Variants in ATP7A observed in about 807,000 individuals in gnomAD.
ATP7A encodes ATPase copper transporting alpha.
Under a neutral mutation model 83.5 loss-of-function variants are expected in ATP7A, and 7 were observed. That is an observed-to-expected ratio of 0.08 (90% CI 0.05 to 0.16). The LOEUF (loss-of-function observed/expected upper bound fraction) is 0.16, where lower values mean the gene tolerates loss of function less well. ATP7A is among the 10% of genes least tolerant of loss of function. The pLI is 1.00. For synonymous variants in ATP7A, 354 were observed against 395.2 expected (o/e 0.90, Z 1.24); for missense variants, 940 against 1,120.8 (o/e 0.84, Z 2.30).
intron 6 of ATP7A, among the ~76,000 whole-genome samples, chrX:78,007,620 C>T (rs894065138): frequency 1.8e-5 from 2 of 112,237 alleles, no homozygotes; most frequent in East Asian, 2.8e-4. Flanking sequence ...CCACCGCGCC[C>T]GACCATTTTT....
chrX:77,967,234 G>A (rs1453666437), intron 1 of ATP7A, among the ~76,000 whole-genome samples: 6 of 111,974 alleles, frequency 5.4e-5, no homozygotes, highest in Admixed American at 4.7e-4. Context: ...TGTCTTTATA[G>A]TAGAATGATT....
chrX:77,966,808 T>G (rs1557228814), intron 1 of ATP7A: 2 of 330,796 alleles, frequency 6.0e-6, no homozygotes, highest in African/African-American at 5.2e-5. Context: ...AAAACCAGGA[T>G]AGATGTGCAG....
At chrX:77,976,664 C>G (rs1189041812) in intron 2 of ATP7A, among the ~76,000 whole-genome samples, 1 of 111,981 alleles carries the variant, frequency 8.9e-6, no homozygotes, top group Non-Finnish European at 1.9e-5. Context: ...AGAGAGTAAA[C>G]TTTGGATCCA....
intron 1 of ATP7A, among the ~76,000 whole-genome samples, chrX:77,930,224 G>A (rs2077263952): frequency 9.0e-6 from 1 of 111,567 alleles, no homozygotes; most frequent in South Asian, 3.7e-4. Context: ...TGAACAGGAA[G>A]GGATTGGACC....
intron 2 of ATP7A, among the ~76,000 whole-genome samples, chrX:77,986,321 G>T (rs375930843): frequency 1.3e-4 from 15 of 111,929 alleles, no homozygotes; most frequent in African/African-American, 4.9e-4. Context: ...ATAAGTGAAA[G>T]ATTTAACTAT....
Position 77,956,482 on chromosome X carries a change from G to A in ATP7A, c.-21-15139G>A, listed in dbSNP as rs782074643. On this transcript the variant is annotated intron_variant, in intron 1 of 22. Transcript: ENST00000341514. ...TAGTGGGAAGTGTTTGGAACATGGA[G>A]GCATATCCCTCATTAATGGCTTTGC... 7.2e-5 allele frequency among the ~76,000 whole-genome samples: 8 copies of A among 111,577 alleles called. No homozygotes were observed. In the East Asian group the frequency reaches 2.3e-3, roughly 32 times the overall value.
intron 17 of ATP7A, among the ~76,000 whole-genome samples, chrX:78,038,072 A>G (rs1461939531): frequency 2.3e-5 from 2 of 88,646 alleles, no homozygotes; most frequent in Non-Finnish European, 4.2e-5. Flanking sequence ...GTTGGGTTGG[A>G]GAGATGTTCT....
Position 78,038,828 on chromosome X carries a change from A to T in ATP7A, c.3512-8A>T. On this transcript the variant is annotated splice_region_variant and splice_polypyrimidine_tract_variant and intron_variant, in intron 17 of 22. Coordinates refer to ENST00000341514, the MANE Select transcript of ATP7A (RefSeq NM_000052.7). ...CTTACTAAATGTTATTTCTGTGCCT[A>T]CTTTCAGATGCTCTTAATGCTCAGC... The T allele has an allele frequency of 8.3e-7, 1 of 1,209,623 alleles. No homozygotes were observed. Among genetic ancestry groups the T allele is most frequent in the Non-Finnish European group, 1.1e-6 (1 of 893,909 alleles).
intron 2 of ATP7A, among the ~76,000 whole-genome samples, chrX:77,974,414 G>A (rs2077565744): frequency 1.8e-5 from 2 of 111,161 alleles, no homozygotes; most frequent in Admixed American, 1.9e-4. Flanking sequence ...AAAGTGCTGG[G>A]ATTGCAGGTG....
At chrX:77,923,321 T>C (rs1267890317) in intron 1 of ATP7A, 1 of 111,701 alleles carries the variant, frequency 9.0e-6, no homozygotes, top group Admixed American at 9.6e-5. Context: ...CCTCTGTTAG[T>C]ATAAATTGGC....
chrX:77,966,776 AT>A (rs1421872298), intron 1 of ATP7A: 1 of 328,396 alleles, frequency 3.0e-6, no homozygotes, highest in African/African-American at 2.7e-5. Flanking sequence ...AAAAGGCTGA[AT>A]TTTTTTCATT....
intron 1 of ATP7A, among the ~76,000 whole-genome samples, chrX:77,945,488 A>G (rs1557226090): frequency 8.9e-6 from 1 of 112,187 alleles, no homozygotes; most frequent in African/African-American, 3.2e-5. Flanking sequence ...CCTGGCAATT[A>G]TCTTTGACTT....
intron 1 of ATP7A, among the ~76,000 whole-genome samples, chrX:77,952,664 T>C (rs2077419312): frequency 8.9e-6 from 1 of 112,056 alleles, no homozygotes; most frequent in South Asian, 3.7e-4. Context: ...ATAAAATTAA[T>C]GGTATACTTG....
intron 1 of ATP7A, among the ~76,000 whole-genome samples, chrX:77,942,682 A>G (rs1201794139): frequency 6.3e-5 from 7 of 111,634 alleles, no homozygotes; most frequent in African/African-American, 2.3e-4. Context: ...ACCTGTGCTC[A>G]AGCAGTCCTC....
chrX:78,042,375 C>T (rs908544186), intron 19 of ATP7A, among the ~76,000 whole-genome samples: 2 of 110,978 alleles, frequency 1.8e-5, no homozygotes, highest in East Asian at 5.7e-4. Flanking sequence ...ATAGATGCTG[C>T]CAGATGCCCT....
Position 78,043,366 on chromosome X carries a change from T to A in ATP7A, c.4055T>A (p.Val1352Asp). ...VASIDLSRKT[V>D]KRIRINFVFA... is the part of the protein sequence containing the mutation. ...AGTATTGACTTATCAAGAAAGACAGTCAAGAGGATTCGGATAAATTTTGTC... is the reference window on the plus strand; with the variant it reads ...AGTATTGACTTATCAAGAAAGACAGACAAGAGGATTCGGATAAATTTTGTC... Residue 1352 changes from valine (V) to aspartate (D), a missense_variant, in exon 21 of 23, where the codon GTC becomes GAC. Transcript: ENST00000341514. The A allele has an allele frequency of 8.3e-7, 1 of 1,209,763 alleles. No individual in the cohort carries two copies. The highest frequency in any genetic ancestry group is 1.1e-6 in the Non-Finnish European group (1 of 893,862).
At chrX:78,036,798 T>G (rs909329859) in intron 17 of ATP7A, among the ~76,000 whole-genome samples, 2 of 111,192 alleles carry the variant, frequency 1.8e-5, no homozygotes, top group Non-Finnish European at 3.8e-5. Flanking sequence ...GGAGAGAATC[T>G]TGCGGGGATT....
At chrX:77,923,188 G>A (rs1242120986) in intron 1 of ATP7A, 1 of 111,834 alleles carries the variant, frequency 8.9e-6, no homozygotes, top group Admixed American at 9.6e-5. Flanking sequence ...AAGACTTATT[G>A]GTAAACAAAT....
intron 4 of ATP7A, among the ~76,000 whole-genome samples, chrX:77,990,279 A>G (rs1351004886): frequency 8.9e-6 from 1 of 112,444 alleles, no homozygotes; most frequent in Non-Finnish European, 1.9e-5. Flanking sequence ...TGTTAAATGA[A>G]AAAAAGCTGA....
Sources: allele counts gnomAD v4.1 joint callset (sites outside exome capture counted in the v4.1 genomes callset), GRCh38; gene constraint gnomAD v4.1.1; transcripts MANE v1.5; gene names NCBI Gene and HGNC (gene_info 2026-07-23, HGNC 2026-07-21).